The following CUL1 variants were observed in gnomAD, a reference collection of about 807,000 sequenced individuals.
CUL1 encodes the protein cullin-1.
A neutral mutation model predicts 118.0 loss-of-function variants in CUL1; 24 were observed. The ratio of observed to expected loss-of-function variants is 0.20; its 90% confidence interval spans 0.15 to 0.29. CUL1 has a LOEUF of 0.29. CUL1 is among the 10% of genes least tolerant of loss of function. The pLI, the probability that CUL1 is intolerant of heterozygous loss-of-function variation, is 1.00. For missense variants in CUL1, 361 were observed against 933.8 expected (o/e 0.39, Z 7.99); for synonymous variants, 332 against 340.4 (o/e 0.98, Z 0.27).
chr7:148,727,524 C>G (rs1459878290), intron 1 of CUL1, among the ~76,000 whole-genome samples: 1 of 152,136 alleles, frequency 6.6e-6, no homozygotes, highest in Non-Finnish European at 1.5e-5. Context: ...GGGGCTTGCA[C>G]CCCGGTGAAG....
intron 1 of CUL1, among the ~76,000 whole-genome samples, chr7:148,715,642 T>C (rs1798190414): frequency 6.6e-6 from 1 of 152,194 alleles, no homozygotes; most frequent in African/African-American, 2.4e-5. Context: ...ATTAAGTTCT[T>C]TCTTCACACT....
At chr7:148,796,707 C>T (rs1053720924) in intron 17 of CUL1, among the ~76,000 whole-genome samples, 1 of 152,106 alleles carries the variant, frequency 6.6e-6, no homozygotes, top group African/African-American at 2.4e-5. Context: ...AGGCCAGTCT[C>T]CTGAGTGGTT....
At position 148,767,636 on chromosome 7, in the gene CUL1, A is replaced by G. The variant is rs1800052122; in HGVS notation, c.970A>G (p.Asn324Asp). The G allele has an allele frequency of 8.1e-6, 13 of 1,613,844 alleles. No homozygotes were observed. The highest frequency in any genetic ancestry group is 1.1e-5 in the Non-Finnish European group (13 of 1,179,896). Residue 324 changes from asparagine (N) to aspartate (D), a missense_variant, in exon 9 of 22, where the codon AAT becomes GAT. By Grantham distance (23) the Asn-to-Asp change is conservative (BLOSUM62 1). Around this residue, in one of 7 missense-constraint regions of CUL1, gnomAD observed 169 missense variants for 429.7 expected, o/e 0.39. Transcript: ENST00000325222. ...DKNEDLGRMY[N>D]LVSRIQDGLG... is the part of the protein sequence containing the mutation. ...TCTTTCAGATTTGGGACGCATGTAT[A>G]ATCTTGTATCTAGAATCCAGGATGG...
intron 2 of CUL1, among the ~76,000 whole-genome samples, chr7:148,732,412 G>A (rs894955530): frequency 1.4e-5 from 2 of 147,872 alleles, no homozygotes; most frequent in African/African-American, 2.5e-5. Context: ...TCATGATCTC[G>A]GCTCACTGCA....
chr7:148,713,289 G>A (rs1488425524), intron 1 of CUL1, among the ~76,000 whole-genome samples: 2 of 152,206 alleles, frequency 1.3e-5, no homozygotes, highest in Non-Finnish European at 2.9e-5. Context: ...TCAGTCCTCA[G>A]CAGTTAAAAC....
At chr7:148,754,828 C>T (rs1404817517) in intron 3 of CUL1, among the ~76,000 whole-genome samples, 2 of 151,812 alleles carry the variant, frequency 1.3e-5, no homozygotes, top group African/African-American at 4.8e-5. Context: ...GTCATTGCAG[C>T]CTCCAACTCC....
chr7:148,758,753 C>G (rs1799740894), intron 4 of CUL1, among the ~76,000 whole-genome samples: 1 of 152,180 alleles, frequency 6.6e-6, no homozygotes, highest in Non-Finnish European at 1.5e-5. Context: ...TCTAACAAAA[C>G]TTTCTAGGTT....
At chr7:148,737,266 A>G (rs1798977875) in intron 2 of CUL1, among the ~76,000 whole-genome samples, 1 of 151,368 alleles carries the variant, frequency 6.6e-6, no homozygotes, top group African/African-American at 2.4e-5. Context: ...AGTTTGATTC[A>G]CGGTAATTAT....
At chr7:148,728,938 C>T (rs878927198) in intron 1 of CUL1, among the ~76,000 whole-genome samples, 7 of 152,186 alleles carry the variant, frequency 4.6e-5, no homozygotes, top group East Asian at 3.9e-4. Context: ...TTCCAGATCT[C>T]GTTTACTTCC....
At chr7:148,781,959 A>C (rs182798213) in intron 9 of CUL1, among the ~76,000 whole-genome samples, 34 of 152,334 alleles carry the variant, frequency 2.2e-4, no homozygotes, top group Non-Finnish European at 4.0e-4. Flanking sequence ...GAGTCCTTCA[A>C]TTGGCAGTTG....
intron 9 of CUL1, among the ~76,000 whole-genome samples, chr7:148,779,311 C>T (rs940213947): frequency 1.3e-5 from 2 of 152,286 alleles, no homozygotes; most frequent in African/African-American, 2.4e-5. Flanking sequence ...CAGGCAGACA[C>T]GGTCCCAGTG....
Position 148,789,808 on chromosome 7 carries a change from A to C in CUL1, c.1656A>C (p.Thr552=), listed in dbSNP as rs1800945372. ...CCTGGCCCTTCCAGCAGTCTTGTAC[A>C]TTTGCCTTGCCGTCAGAGGTAAGGA... The part of the protein sequence containing the change: ...SGSWPFQQSC[T]FALPSELERS... The change falls in exon 15 of 22, where the codon ACA becomes ACC. Residue 552 remains threonine, a synonymous_variant. Transcript: ENST00000325222. 1 of 1,614,134 alleles carries C rather than the reference A, an allele frequency of 6.2e-7. No individual in the cohort carries two copies. Among genetic ancestry groups the C allele is most frequent in the East Asian group, 2.2e-5 (1 of 44,876 alleles).
intron 1 of CUL1, among the ~76,000 whole-genome samples, chr7:148,717,958 G>A (rs1357562388): frequency 2.6e-5 from 4 of 152,094 alleles, no homozygotes; most frequent in Non-Finnish European, 4.4e-5. Context: ...TTTGACATTC[G>A]TGTTTTCACC....
chr7:148,745,213 G>A (rs1320427889), intron 2 of CUL1, among the ~76,000 whole-genome samples: 1 of 151,710 alleles, frequency 6.6e-6, no homozygotes, highest in East Asian at 1.9e-4. Flanking sequence ...CTTTTTCATG[G>A]TTTCTGTTTT....
intron 1 of CUL1, among the ~76,000 whole-genome samples, chr7:148,705,792 A>G (rs1455851219): frequency 3.3e-5 from 5 of 152,320 alleles, no homozygotes; most frequent in East Asian, 1.9e-4. Flanking sequence ...AAGCTTATCT[A>G]TAGGAACTTG....
At chr7:148,779,326 A>G (rs184453798) in intron 9 of CUL1, among the ~76,000 whole-genome samples, 3 of 152,332 alleles carry the variant, frequency 2.0e-5, no homozygotes, top group African/African-American at 4.8e-5. Flanking sequence ...CCAGTGGGCA[A>G]CACTGAGATG....
intron 9 of CUL1, among the ~76,000 whole-genome samples, chr7:148,771,400 T>G (rs899049199): frequency 6.6e-6 from 1 of 152,168 alleles, no homozygotes; most frequent in Non-Finnish European, 1.5e-5. Flanking sequence ...TAAAACCAAT[T>G]TAAACATTAA....
intron 1 of CUL1, among the ~76,000 whole-genome samples, chr7:148,702,271 C>T (rs1185949114): frequency 1.3e-5 from 2 of 151,958 alleles, no homozygotes; most frequent in Admixed American, 6.6e-5. Flanking sequence ...CTAAAAATTC[C>T]GTGAGGGAGA....
At chr7:148,738,337 A>C (rs1799030051) in intron 2 of CUL1, among the ~76,000 whole-genome samples, 1 of 152,188 alleles carries the variant, frequency 6.6e-6, no homozygotes, top group African/African-American at 2.4e-5. Flanking sequence ...CTGAAAGGTG[A>C]GATGTGAAGC....
Sources: allele counts gnomAD v4.1 joint callset (sites outside exome capture counted in the v4.1 genomes callset), GRCh38; gene constraint gnomAD v4.1.1; regional missense constraint gnomAD v4.1.1; transcripts MANE v1.5; gene names NCBI Gene and HGNC (gene_info 2026-07-23, HGNC 2026-07-21).